ERBB4: variants seen among roughly 807,000 people sequenced by gnomAD.
ERBB4 encodes receptor tyrosine-protein kinase erbB-4.
Under a neutral mutation model 158.0 loss-of-function variants are expected in ERBB4, and 42 were observed. The ratio of observed to expected loss-of-function variants is 0.27; its 90% CI spans 0.21 to 0.34. The LOEUF is 0.34. ERBB4 is among the 10% of genes least tolerant of loss of function. The pLI is 1.00. For missense variants in ERBB4, 1,333 were observed against 1,624.1 expected, an observed-to-expected ratio of 0.82 and a Z score of 3.08; for synonymous variants, 583 against 558.7, an observed-to-expected ratio of 1.04 and a Z score of -0.61.
intron 14 of ERBB4, among the ~76,000 whole-genome samples, chr2:211,669,179 C>T (rs1048020904): frequency 8.7e-5 from 12 of 138,000 alleles, no homozygotes; most frequent in East Asian, 4.1e-4. Flanking sequence ...GCTGAGATCA[C>T]GCCACTGCAC....
intron 1 of ERBB4, among the ~76,000 whole-genome samples, chr2:212,437,074 G>C (rs868329520): frequency 1.3e-5 from 2 of 151,948 alleles, no homozygotes. Flanking sequence ...CTCAGGGCAA[G>C]GTAAATTATC....
At chr2:211,845,964 C>G (rs1161444050) in intron 3 of ERBB4, among the ~76,000 whole-genome samples, 1 of 151,808 alleles carries the variant, frequency 6.6e-6, no homozygotes, top group East Asian at 1.9e-4. Flanking sequence ...GTCAATTACA[C>G]TTAAGAAACG....
intron 16 of ERBB4, among the ~76,000 whole-genome samples, chr2:211,653,488 C>A (rs948426564): frequency 6.8e-6 from 1 of 147,038 alleles, no homozygotes; most frequent in East Asian, 2.1e-4. Flanking sequence ...CCCCCCCCCA[C>A]GCCCGCCCCG....
chr2:212,140,393 AG>A (rs2080415854), intron 1 of ERBB4, among the ~76,000 whole-genome samples: 2 of 131,844 alleles, frequency 1.5e-5, no homozygotes, highest in African/African-American at 6.9e-5. Context: ...ATGTATCTAT[AG>A]TAATATCTAT....
chr2:211,944,053 CAT>C (rs143432331), intron 3 of ERBB4, among the ~76,000 whole-genome samples: 9,529 of 135,088 alleles, frequency 0.071, 433 homozygotes, highest in Non-Finnish European at 0.11. Context: ...AAACGCAAAC[CAT>C]ATATATATAT....
At chr2:211,799,426 C>T (rs2076450836) in intron 3 of ERBB4, among the ~76,000 whole-genome samples, 2 of 152,058 alleles carry the variant, frequency 1.3e-5, no homozygotes, top group African/African-American at 2.4e-5. Context: ...TCTTTGTCTG[C>T]TTCTTGAGGC....
chr2:211,637,188 G>T (rs1273213115), intron 16 of ERBB4, among the ~76,000 whole-genome samples: 2 of 151,806 alleles, frequency 1.3e-5, no homozygotes, highest in Admixed American at 1.3e-4. Flanking sequence ...TGACCCAGAG[G>T]ACAAATGTAT....
At chr2:211,739,587 C>A (rs1224357430) in intron 5 of ERBB4, among the ~76,000 whole-genome samples, 1 of 152,122 alleles carries the variant, frequency 6.6e-6, no homozygotes, top group Non-Finnish European at 1.5e-5. Context: ...CCTCAGTGTC[C>A]CGAGTAGCTG....
intron 1 of ERBB4, among the ~76,000 whole-genome samples, chr2:212,211,248 C>T (rs540799911): frequency 6.6e-6 from 1 of 152,254 alleles, no homozygotes; most frequent in South Asian, 2.1e-4. Context: ...GACTTCCACT[C>T]ATCCCTCCAG....
chr2:211,531,188 C>T (rs181829119), intron 20 of ERBB4, among the ~76,000 whole-genome samples: 55 of 152,112 alleles, frequency 3.6e-4, no homozygotes, highest in African/African-American at 1.2e-3. Flanking sequence ...ATACTTAAAT[C>T]GAAGACATCA....
intron 2 of ERBB4, among the ~76,000 whole-genome samples, chr2:212,025,905 C>T (rs1281721665): frequency 6.6e-6 from 1 of 151,686 alleles, no homozygotes; most frequent in Non-Finnish European, 1.5e-5. Flanking sequence ...TTTGCTATAT[C>T]TTATGTGACT....
chr2:212,466,255 T>C (rs1168428515), intron 1 of ERBB4, among the ~76,000 whole-genome samples: 2 of 152,224 alleles, frequency 1.3e-5, no homozygotes, highest in South Asian at 2.1e-4. Flanking sequence ...GGTCCACTTA[T>C]ACGTGGATTC....
chr2:211,883,511 C>T (rs1033759857), intron 3 of ERBB4, among the ~76,000 whole-genome samples: 3 of 152,122 alleles, frequency 2.0e-5, no homozygotes, highest in African/African-American at 7.2e-5. Context: ...GTCACGGTGG[C>T]TCACACCTGT....
At position 211,392,558 on chromosome 2, in the gene ERBB4, C is replaced by CCGCACA. The variant is rs767854845; in HGVS notation, c.3136-4567_3136-4566insTGTGCG. The stretch of plus-strand genomic sequence containing the variant: ...ACTTTTTTGAAAAAACTCTCTTACT[C>CCGCACA]CACACACACACACACACACACACAC... On this transcript the variant is annotated intron_variant, in intron 25 of 27. Transcript: ENST00000342788. 6.5e-3 allele frequency among the ~76,000 whole-genome samples: 915 copies of CCGCACA among 140,996 alleles called. 15 individuals carry two copies. The East Asian group carries it at 0.066, about 10-fold the overall frequency. 92.5% of individuals were successfully genotyped at this position (140,996 alleles called of 152,430 possible).
chr2:211,534,565 C>T (rs1319273464), intron 20 of ERBB4, among the ~76,000 whole-genome samples: 1 of 152,058 alleles, frequency 6.6e-6, no homozygotes, highest in Non-Finnish European at 1.5e-5. Context: ...ATTTGTTACA[C>T]TATCTTTAGT....
intron 25 of ERBB4, among the ~76,000 whole-genome samples, chr2:211,414,759 T>G (rs2063345249): frequency 6.6e-6 from 1 of 152,008 alleles, no homozygotes; most frequent in Non-Finnish European, 1.5e-5. Flanking sequence ...CCCTCCTCCA[T>G]CCCCTCTGTT....
At chr2:212,419,968 C>A (rs1442383762) in intron 1 of ERBB4, among the ~76,000 whole-genome samples, 1 of 151,884 alleles carries the variant, frequency 6.6e-6, no homozygotes, top group Non-Finnish European at 1.5e-5. Flanking sequence ...TTGTGCTATA[C>A]TAAAATGAAT....
At chr2:211,646,018 A>C (rs1231575597) in intron 16 of ERBB4, among the ~76,000 whole-genome samples, 1 of 151,584 alleles carries the variant, frequency 6.6e-6, no homozygotes, top group Non-Finnish European at 1.5e-5. Flanking sequence ...TGGTAAACTG[A>C]TACTAGGGAA....
At chr2:212,240,650 A>AAAAAAAAAAAAAC in intron 1 of ERBB4, among the ~76,000 whole-genome samples, 1 of 144,166 alleles carries the variant, frequency 6.9e-6, no homozygotes, top group Non-Finnish European at 1.5e-5. Context: ...AAAAAAAAAA[A>AAAAAAAAAAAAAC]AAAAAAAAAA....
Sources: allele counts gnomAD v4.1 joint callset (sites outside exome capture counted in the v4.1 genomes callset), GRCh38; gene constraint gnomAD v4.1.1; transcripts MANE v1.5; gene names NCBI Gene and HGNC (gene_info 2026-07-23, HGNC 2026-07-21).